The following LRP1B variants were observed in gnomAD, a reference collection of about 807,000 sequenced individuals.
The protein encoded by LRP1B is LDL receptor related protein 1B, also known as low-density lipoprotein receptor-related protein 1B.
Under a neutral mutation model 556.6 loss-of-function variants are expected in LRP1B, and 217 were observed. That is an observed-to-expected ratio of 0.39 (90% CI 0.35 to 0.44). LRP1B has a LOEUF of 0.44. LRP1B is among the 20% of genes least tolerant of loss of function. LRP1B has a pLI of 1.00. For synonymous variants in LRP1B, 2,047 were observed against 1,865.8 expected (o/e 1.10, Z -2.50); for missense variants, 5,053 against 5,620.8 (o/e 0.90, Z 3.23).
In LRP1B at chr2:141,048,904, C is replaced by A. The variant is rs1381314635; in HGVS notation, c.1789+82G>T. ...AGAAGAACTTGAGTTCTGGTTAAAG[C>A]TAGTCTGACACACACTGGATTTATC... On this transcript the variant is annotated intron_variant, in intron 11 of 90. Coordinates refer to ENST00000389484, the MANE Select transcript of LRP1B (RefSeq NM_018557.3). 3 of 1,056,976 alleles carry A rather than the reference C, an allele frequency of 2.8e-6. No individual in the cohort carries two copies. In the African/African-American group the frequency reaches 4.7e-5, roughly 17 times the overall value. The allele number at this position is 1,056,976 out of a possible 1,614,324, so 65.5% of individuals were successfully genotyped here. A position where few individuals can be genotyped will look rare whatever the true frequency, so the allele number is the denominator to read the frequency against.
At chr2:141,664,148 T>C (rs1402713210) in intron 2 of LRP1B, among the ~76,000 whole-genome samples, 2 of 152,148 alleles carry the variant, frequency 1.3e-5, no homozygotes, top group African/African-American at 4.8e-5. Flanking sequence ...CACGTAATTA[T>C]CTCATTAGAC....
intron 1 of LRP1B, among the ~76,000 whole-genome samples, chr2:141,890,014 G>A (rs1699235885): frequency 7.2e-6 from 1 of 138,514 alleles, no homozygotes. Flanking sequence ...GCCTCTACTG[G>A]GCGCTTTATT....
intron 2 of LRP1B, among the ~76,000 whole-genome samples, chr2:141,489,713 C>T (rs1683261489): frequency 6.6e-6 from 1 of 151,978 alleles, no homozygotes. Context: ...CTTCACCTGA[C>T]AAACTTATAT....
intron 20 of LRP1B, among the ~76,000 whole-genome samples, chr2:140,931,722 TA>T (rs1185981742): frequency 2.0e-5 from 3 of 152,146 alleles, no homozygotes; most frequent in Non-Finnish European, 4.4e-5. Context: ...TTGATTTAGT[TA>T]ATTAAAATTT....
intron 14 of LRP1B, among the ~76,000 whole-genome samples, chr2:141,011,197 C>A (rs1229917036): frequency 2.5e-5 from 3 of 119,842 alleles, no homozygotes; most frequent in African/African-American, 9.2e-5. Context: ...TATATTTTAT[C>A]CATAGGGAAA....
intron 1 of LRP1B, among the ~76,000 whole-genome samples, chr2:142,043,588 G>A (rs1471054134): frequency 6.6e-6 from 1 of 151,628 alleles, no homozygotes; most frequent in Non-Finnish European, 1.5e-5. Flanking sequence ...TATATCATCA[G>A]TGTATTTGGT....
chr2:141,417,952 T>C (rs1679978380), intron 3 of LRP1B, among the ~76,000 whole-genome samples: 1 of 152,086 alleles, frequency 6.6e-6, no homozygotes, highest in African/African-American at 2.4e-5. Context: ...ATCATTGTGG[T>C]TTTGATTTGT....
chr2:141,034,154 C>T (rs556174661), intron 11 of LRP1B, among the ~76,000 whole-genome samples: 27 of 152,192 alleles, frequency 1.8e-4, no homozygotes, highest in South Asian at 1.2e-3. Context: ...CAAGTTTACA[C>T]CTATGGTATC....
chr2:141,482,732 A>G (rs1481828355), intron 2 of LRP1B, among the ~76,000 whole-genome samples: 1 of 152,084 alleles, frequency 6.6e-6, no homozygotes, highest in Non-Finnish European at 1.5e-5. Context: ...GCTTTTTAAA[A>G]TTACTTGGCT....
intron 2 of LRP1B, among the ~76,000 whole-genome samples, chr2:141,578,423 A>T (rs1686839289): frequency 1.3e-5 from 2 of 151,856 alleles, no homozygotes; most frequent in South Asian, 4.1e-4. Flanking sequence ...AAAAAAAGAA[A>T]AAAAAAATCA....
At chr2:140,761,294 C>T (rs560702337) in intron 35 of LRP1B, among the ~76,000 whole-genome samples, 1 of 152,282 alleles carries the variant, frequency 6.6e-6, no homozygotes, top group East Asian at 1.9e-4. Context: ...CGAGTTCACC[C>T]TTTAGAAAAT....
intron 1 of LRP1B, among the ~76,000 whole-genome samples, chr2:142,119,260 A>G (rs934976737): frequency 6.6e-6 from 1 of 152,310 alleles, no homozygotes; most frequent in Admixed American, 6.5e-5. Context: ...ACTTATAATG[A>G]TCATGTAGCA....
chr2:141,315,929 A>G (rs1687017207), intron 3 of LRP1B, among the ~76,000 whole-genome samples: 2 of 62,444 alleles, frequency 3.2e-5, no homozygotes, highest in African/African-American at 1.2e-4. Context: ...ACATCTCTAC[A>G]TTAGTATCCA....
At chr2:141,137,741 T>C (rs1701525478) in intron 7 of LRP1B, among the ~76,000 whole-genome samples, 1 of 151,954 alleles carries the variant, frequency 6.6e-6, no homozygotes, top group South Asian at 2.1e-4. Context: ...AGGGGCAATG[T>C]TGGTATTTGA....
chr2:140,323,713 A>T (rs542345986), intron 81 of LRP1B, among the ~76,000 whole-genome samples, 180 bp downstream of exon 81: 1 of 152,026 alleles, frequency 6.6e-6, no homozygotes, highest in East Asian at 1.9e-4. Flanking sequence ...CAATTACAGC[A>T]GAAATAGAAT....
chr2:141,036,153 C>A (rs771422556), intron 11 of LRP1B, among the ~76,000 whole-genome samples: 35 of 151,904 alleles, frequency 2.3e-4, no homozygotes, highest in Non-Finnish European at 3.7e-4. Flanking sequence ...GGGTGACAGA[C>A]CTTTTCCAGG....
At chr2:141,358,618 CTA>C (rs1274496282) in intron 3 of LRP1B, among the ~76,000 whole-genome samples, 1 of 152,164 alleles carries the variant, frequency 6.6e-6, no homozygotes, top group Non-Finnish European at 1.5e-5. Flanking sequence ...AAGTTAATTT[CTA>C]TGTTTCTAGT....
chr2:141,310,119 G>A (rs1686756358), intron 3 of LRP1B, among the ~76,000 whole-genome samples: 1 of 152,060 alleles, frequency 6.6e-6, no homozygotes, highest in East Asian at 1.9e-4. Flanking sequence ...TGTATAGGTA[G>A]ACAAACAACT....
chr2:141,206,592 A>T (rs1484609365), intron 6 of LRP1B, among the ~76,000 whole-genome samples: 1 of 152,004 alleles, frequency 6.6e-6, no homozygotes, highest in Non-Finnish European at 1.5e-5. Flanking sequence ...GTCTCAAAAA[A>T]AAAATAAAGA....
Sources: gnomAD v4.1 joint callset for allele counts (sites outside exome capture counted in the v4.1 genomes callset) on GRCh38, gnomAD v4.1.1 for gene constraint, MANE v1.5 for transcripts, NCBI Gene and HGNC (gene_info 2026-07-23, HGNC 2026-07-21) for gene names.